Variants in ZNF420 observed in about 807,000 individuals in gnomAD.
The protein encoded by ZNF420 is zinc finger protein 420.
A neutral mutation model predicts 44.7 loss-of-function variants in ZNF420; 31 were observed. The observed-to-expected ratio is 0.69, with a 90% CI of 0.52 to 0.94. The LOEUF (loss-of-function observed/expected upper bound fraction) is 0.94, where lower values mean the gene tolerates loss of function less well. Among genes scored for constraint, ZNF420 ranks in the 40% least tolerant of loss-of-function variants. The pLI is 0.00. For missense variants in ZNF420, 681 were observed against 827.9 expected (o/e 0.82, Z 2.18); for synonymous variants, 245 against 267.4 (o/e 0.92, Z 0.82).
rs34839210 is a variant in ZNF420, at chr19:37,129,747, TAAAA to T, written c.*699_*702del. The T allele has an allele frequency of 1.8e-5, 3 of 167,240 alleles. No individual in the cohort carries two copies. The highest frequency in any genetic ancestry group is 5.0e-5 in the African/African-American group (2 of 39,802). The allele number at this position is 167,240 out of a possible 1,614,324, so 10.4% of individuals were successfully genotyped here. A position where few individuals can be genotyped will look rare whatever the true frequency, so the allele number is the denominator to read the frequency against. The stretch of plus-strand genomic sequence containing the variant: ...CCAGTGGATATAATCAGTGTATTAT[TAAAA>T]AAAAAAAAACCCAGTGGATGTAATC... On this transcript the variant is annotated 3_prime_UTR_variant, in exon 5 of 5. Transcript: ENST00000337995.
At chr19:37,027,703 T>C (rs1353969737) in intron 1 of ZNF420, among the ~76,000 whole-genome samples, 1 of 152,224 alleles carries the variant, frequency 6.6e-6, no homozygotes, top group Non-Finnish European at 1.5e-5. Context: ...CATTGGCTTC[T>C]TTCACTTAGA....
At chr19:37,124,073 TTTC>T (rs888994367) in intron 4 of ZNF420, among the ~76,000 whole-genome samples, 10 of 152,184 alleles carry the variant, frequency 6.6e-5, no homozygotes, top group African/African-American at 1.9e-4. Context: ...TCCCTCATGC[TTTC>T]TTCTTTCATT....
chr19:37,008,357 G>A (rs1021113501), intron 1 of ZNF420, among the ~76,000 whole-genome samples: 7 of 152,132 alleles, frequency 4.6e-5, no homozygotes, highest in African/African-American at 1.2e-4. Context: ...TGCCCTGTGC[G>A]CCAAAGGGCA....
chr19:37,111,139 T>C (rs1462701571), intron 4 of ZNF420, among the ~76,000 whole-genome samples: 1 of 152,236 alleles, frequency 6.6e-6, no homozygotes, highest in African/African-American at 2.4e-5. Context: ...ACAAGATCAG[T>C]ATTTTGAACA....
At chr19:37,075,802 T>A (rs1336403906), upstream of ZNF420, among the ~76,000 whole-genome samples, 1 of 151,946 alleles carries the variant, frequency 6.6e-6, no homozygotes, top group East Asian at 1.9e-4. Flanking sequence ...GGGAGAGAAA[T>A]GACCTATAAT....
intron 1 of ZNF420, among the ~76,000 whole-genome samples, chr19:37,062,875 G>T (rs1362351894): frequency 1.3e-5 from 2 of 152,136 alleles, no homozygotes; most frequent in African/African-American, 4.8e-5. Flanking sequence ...GGAATCTCCA[G>T]TTAGTTAAGA....
intron 4 of ZNF420, among the ~76,000 whole-genome samples, chr19:37,096,886 A>G (rs887942414): frequency 1.3e-5 from 2 of 149,232 alleles, no homozygotes; most frequent in African/African-American, 4.9e-5. Flanking sequence ...GTAAAGTTTC[A>G]TGGTTTTTTC....
chr19:37,076,396 T>G (rs1968153940), upstream of ZNF420, among the ~76,000 whole-genome samples: 1 of 152,052 alleles, frequency 6.6e-6, no homozygotes, highest in African/African-American at 2.4e-5. Flanking sequence ...TTATTATACT[T>G]TAAGTTCTAG....
At chr19:37,022,505 A>C (rs946936672) in intron 1 of ZNF420, among the ~76,000 whole-genome samples, 1 of 152,182 alleles carries the variant, frequency 6.6e-6, no homozygotes, top group African/African-American at 2.4e-5. Context: ...AATGAATTCA[A>C]ATTCAAAAAG....
At chr19:37,031,009 C>G (rs1453598771) in intron 1 of ZNF420, among the ~76,000 whole-genome samples, 1 of 152,106 alleles carries the variant, frequency 6.6e-6, no homozygotes, top group African/African-American at 2.4e-5. Context: ...TGCCCCCCCA[C>G]CACGCCCGGC....
intron 1 of ZNF420, among the ~76,000 whole-genome samples, chr19:37,017,903 T>C (rs992875898): frequency 6.6e-6 from 1 of 152,068 alleles, no homozygotes; most frequent in African/African-American, 2.4e-5. Flanking sequence ...TATGATCTAA[T>C]GTGTAAAAAA....
chr19:37,065,252 T>C (rs918774467), intron 1 of ZNF420, among the ~76,000 whole-genome samples: 1 of 152,180 alleles, frequency 6.6e-6, no homozygotes, highest in Non-Finnish European at 1.5e-5. Context: ...TAGATTATGG[T>C]GCATGATGGT....
At chr19:37,036,824 A>C (rs1465618559) in intron 1 of ZNF420, among the ~76,000 whole-genome samples, 1 of 152,250 alleles carries the variant, frequency 6.6e-6, no homozygotes, top group African/African-American at 2.4e-5. Flanking sequence ...ATGTCGAAAT[A>C]ATTATGAGTT....
intron 1 of ZNF420, among the ~76,000 whole-genome samples, chr19:37,072,565 T>C (rs187879146): frequency 6.6e-6 from 1 of 152,332 alleles, no homozygotes; most frequent in East Asian, 1.9e-4. Context: ...TTATCTCTAC[T>C]CCTTTTAGGA....
intron 1 of ZNF420, among the ~76,000 whole-genome samples, chr19:37,057,639 G>A (rs150425725): frequency 6.6e-6 from 1 of 151,994 alleles, no homozygotes; most frequent in Non-Finnish European, 1.5e-5. Context: ...TCATGTGGCC[G>A]GTTGTCAATC....
At chr19:37,078,633 G>A (rs928706632) in intron 1 of ZNF420, 63 bp downstream of exon 1, 2 of 152,420 alleles carry the variant, frequency 1.3e-5, no homozygotes, top group African/African-American at 2.4e-5. Context: ...GGTTACTCGT[G>A]TGGCCGTGTC....
intron 4 of ZNF420, among the ~76,000 whole-genome samples, chr19:37,112,588 C>G (rs1970439890): frequency 6.6e-6 from 1 of 152,190 alleles, no homozygotes; most frequent in Admixed American, 6.5e-5. Context: ...GAATAATGGC[C>G]TTACACACAG....
chr19:37,117,761 T>C (rs919143202), intron 4 of ZNF420, among the ~76,000 whole-genome samples: 1 of 151,974 alleles, frequency 6.6e-6, no homozygotes, highest in African/African-American at 2.4e-5. Flanking sequence ...GAATAACCAA[T>C]GCAGAGAAGT....
chr19:37,045,208 A>G (rs1599613673), intron 1 of ZNF420, among the ~76,000 whole-genome samples: 1 of 152,330 alleles, frequency 6.6e-6, no homozygotes, highest in Middle Eastern at 3.4e-3. Flanking sequence ...TAAATTCTGT[A>G]GTTCCAAAGT....
Sources: allele counts gnomAD v4.1 joint callset (sites outside exome capture counted in the v4.1 genomes callset), GRCh38; gene constraint gnomAD v4.1.1; transcripts MANE v1.5; gene names NCBI Gene and HGNC (gene_info 2026-07-23, HGNC 2026-07-21).